TMEM87B: variants seen among roughly 807,000 people sequenced by gnomAD.
TMEM87B encodes transmembrane protein 87B.
TMEM87B carries 83 observed loss-of-function variants against 80.3 expected under a neutral mutation model. That is an observed-to-expected ratio of 1.03 (90% CI 0.87 to 1.24). TMEM87B has a LOEUF of 1.24. Among genes scored for constraint, TMEM87B ranks in the 50% most tolerant of loss-of-function variants. The pLI is 0.00. For synonymous variants in TMEM87B, 219 were observed against 230.5 expected (o/e 0.95, Z 0.45); for missense variants, 625 against 674.4 (o/e 0.93, Z 0.81).
At chr2:112,105,058 T>C (rs1033987685) in intron 15 of TMEM87B, among the ~76,000 whole-genome samples, 2 of 152,208 alleles carry the variant, frequency 1.3e-5, no homozygotes, top group Middle Eastern at 3.4e-3. Context: ...TTAACTGTAT[T>C]GATTGGCATG....
intron 17 of TMEM87B, among the ~76,000 whole-genome samples, chr2:112,111,822 G>T (rs756422899): frequency 3.3e-5 from 5 of 152,168 alleles, no homozygotes; most frequent in African/African-American, 4.8e-5. Context: ...GATAACCCAT[G>T]AAGGTGACAT....
intron 11 of TMEM87B, among the ~76,000 whole-genome samples, chr2:112,096,016 C>T (rs1198527993): frequency 6.6e-6 from 1 of 151,994 alleles, no homozygotes; most frequent in African/African-American, 2.4e-5. Context: ...CACCCCCCTC[C>T]AAACCCCCTT....
Position 112,055,581 on chromosome 2 carries a change from T to A in TMEM87B, c.-11T>A. ...GCGTCTCGGAGCGCCAGGTGCAGCT[T>A]CCTGGTCAAGATGGTCGCCGCCTGC... is the stretch of plus-strand genomic sequence containing the variant. On this transcript the variant is annotated 5_prime_UTR_variant, in exon 1 of 19. Coordinates refer to ENST00000283206, the MANE Select transcript of TMEM87B (RefSeq NM_032824.3). 1 of 1,506,358 alleles carries A rather than the reference T, an allele frequency of 6.6e-7. No individual in the cohort carries two copies. The highest frequency in any genetic ancestry group is 8.8e-7 in the Non-Finnish European group (1 of 1,130,954). 93.3% of individuals were successfully genotyped at this position (1,506,358 alleles called of 1,614,324 possible).
At position 112,073,313 on chromosome 2, in the gene TMEM87B, C is replaced by T. The variant is rs886642072; in HGVS notation, c.451-1599C>T. Among the ~76,000 whole-genome samples, 152 of 152,262 alleles carry T rather than the reference C, an allele frequency of 1.0e-3. 1 individual carries two copies. Among genetic ancestry groups the T allele is most frequent in the African/African-American group, 3.4e-3 (140 of 41,544 alleles). On this transcript the variant is annotated intron_variant, in intron 4 of 18. Coordinates refer to ENST00000283206, the MANE Select transcript of TMEM87B (RefSeq NM_032824.3). ...TTCTGGTATGTTGTATCTTTGTTCT[C>T]ATTAGTTTCAGAGAACTTCTTGATT...
rs1044302314 is a variant in TMEM87B, at chr2:112,110,214, A to G, written c.1577+2374A>G. 3.3e-5 allele frequency among the ~76,000 whole-genome samples: 5 copies of G among 151,680 alleles called. 1 individual carries two copies. The highest frequency in any genetic ancestry group is 6.3e-3 in the Middle Eastern group (2 of 316). Reference sequence around the variant, plus strand: ...TTTTTCCTTCTTTGTTTCATTTTCTATGTTGTTTTCCTACCACACATTAAG... The same window carrying G: ...TTTTTCCTTCTTTGTTTCATTTTCTGTGTTGTTTTCCTACCACACATTAAG... On this transcript the variant is annotated intron_variant, in intron 17 of 18. Transcript: ENST00000283206.
In TMEM87B at chr2:112,077,301, C is replaced by G; in HGVS notation, c.592+19C>G. 9 of 1,348,562 alleles carry G rather than the reference C, an allele frequency of 6.7e-6. No homozygotes were observed. The highest frequency in any genetic ancestry group is 9.3e-6 in the Non-Finnish European group (9 of 970,246). 83.5% of individuals were successfully genotyped at this position (1,348,562 alleles called of 1,614,324 possible). A position where few individuals can be genotyped will look rare whatever the true frequency, so the allele number is the denominator to read the frequency against. ...TTGAATGGTATAGTTAAACTGCATG[C>G]ATGTTTACTGTCTGCATTTTCTGTA... On this transcript the variant is annotated intron_variant, in intron 6 of 18. Transcript: ENST00000283206.
chr2:112,063,449 T>C (rs1678317350), intron 2 of TMEM87B, among the ~76,000 whole-genome samples: 1 of 152,208 alleles, frequency 6.6e-6, no homozygotes, highest in East Asian at 1.9e-4. Context: ...TCCCCAGCAC[T>C]CTTCTCCAGC....
At chr2:112,058,511 T>G (rs1380874067) in intron 1 of TMEM87B, among the ~76,000 whole-genome samples, 2 of 152,160 alleles carry the variant, frequency 1.3e-5, no homozygotes, top group East Asian at 3.9e-4. Flanking sequence ...CTCGTTTTTT[T>G]AAGTGAGACT....
intron 6 of TMEM87B, 96 bp from the exon 7 acceptor site, chr2:112,080,961 G>C: frequency 2.9e-6 from 3 of 1,019,638 alleles, no homozygotes. Context: ...GCATTTGTTA[G>C]TGTGGTTTGT....
chr2:112,093,645 CAG>C (rs1462008872), intron 11 of TMEM87B, among the ~76,000 whole-genome samples: 1 of 152,136 alleles, frequency 6.6e-6, no homozygotes, highest in Non-Finnish European at 1.5e-5. Flanking sequence ...CTGATTTTCT[CAG>C]AGAGTAATAT....
chr2:112,063,393 A>G (rs1678315828), intron 2 of TMEM87B, among the ~76,000 whole-genome samples: 1 of 152,186 alleles, frequency 6.6e-6, no homozygotes, highest in East Asian at 1.9e-4. Flanking sequence ...GGATCATTCA[A>G]AAGAAAGGCC....
At chr2:112,071,522 C>T (rs1678636220) in intron 4 of TMEM87B, among the ~76,000 whole-genome samples, 2 of 151,732 alleles carry the variant, frequency 1.3e-5, no homozygotes, top group African/African-American at 2.4e-5. Context: ...GGCCAGGCTG[C>T]TCTCAAACTC....
chr2:112,099,104 A>G (rs898854051), intron 14 of TMEM87B, among the ~76,000 whole-genome samples: 8 of 152,328 alleles, frequency 5.3e-5, no homozygotes, highest in Admixed American at 3.9e-4. Flanking sequence ...AGTACGGCCA[A>G]AATGACAAAA....
At chr2:112,083,783 T>G (rs1444626717) in intron 8 of TMEM87B, among the ~76,000 whole-genome samples, 1 of 152,212 alleles carries the variant, frequency 6.6e-6, no homozygotes, top group African/African-American at 2.4e-5. Context: ...TCTGTTGGTT[T>G]GTTCAACTAA....
rs1325501419 is a variant in TMEM87B at position 112,060,018 on chromosome 2, T to C, written c.207T>C (p.Ser69=). 1 of 1,591,102 alleles carries C rather than the reference T, an allele frequency of 6.3e-7. No homozygotes were observed. Among genetic ancestry groups the C allele is most frequent in the South Asian group, 1.1e-5 (1 of 89,978 alleles). The part of the protein sequence containing the change: ...PLIFRKTMFN[S]TDIKLSVKSF... ...TATTTAGGAAAACTATGTTTAACTC[T>C]ACAGATATCAAGTTATCTGGTAAGT... The change falls in exon 2 of 19, where the codon TCT becomes TCC. Residue 69 remains serine (S), a synonymous_variant. Coordinates refer to ENST00000283206, the MANE Select transcript of TMEM87B (RefSeq NM_032824.3).
At chr2:112,078,492 G>T (rs993145962) in intron 6 of TMEM87B, among the ~76,000 whole-genome samples, 1 of 152,164 alleles carries the variant, frequency 6.6e-6, no homozygotes, top group Non-Finnish European at 1.5e-5. Flanking sequence ...CTTTTGTAAG[G>T]CATTAATCTA....
chr2:112,060,075 C>G, intron 2 of TMEM87B, 38 bp downstream of exon 2: 1 of 1,476,520 alleles, frequency 6.8e-7, no homozygotes, highest in Non-Finnish European at 9.1e-7. Flanking sequence ...AGACTGGGCG[C>G]AATGGCTCAC....
intron 2 of TMEM87B, among the ~76,000 whole-genome samples, chr2:112,061,131 T>A (rs1678246994): frequency 6.6e-6 from 1 of 152,174 alleles, no homozygotes; most frequent in African/African-American, 2.4e-5. Context: ...AGTTAAAATA[T>A]TCATTAGGTA....
intron 13 of TMEM87B, among the ~76,000 whole-genome samples, chr2:112,097,956 C>T (rs78056241): frequency 2.6e-5 from 4 of 151,420 alleles, no homozygotes; most frequent in African/African-American, 4.9e-5. Context: ...ATCGTGTGTT[C>T]AGTATGGGCA....
Sources: allele counts gnomAD v4.1 joint callset (sites outside exome capture counted in the v4.1 genomes callset), GRCh38; gene constraint gnomAD v4.1.1; transcripts MANE v1.5; gene names NCBI Gene and HGNC (gene_info 2026-07-23, HGNC 2026-07-21).